The following DCSTAMP variants were observed in gnomAD, a reference collection of about 807,000 sequenced individuals.
DCSTAMP encodes dendrocyte expressed seven transmembrane protein.
Under a neutral mutation model 33.8 loss-of-function variants are expected in DCSTAMP, and 25 were observed. The observed-to-expected ratio is 0.74, with a 90% CI of 0.54 to 1.03. The LOEUF is 1.03. Among genes scored for constraint, DCSTAMP ranks in the 50% least tolerant of loss-of-function variants. The pLI is 0.00. For missense variants in DCSTAMP, 531 were observed against 556.8 expected (o/e 0.95, Z 0.47); for synonymous variants, 245 against 216.7 (o/e 1.13, Z -1.15).
chr8:104,340,583 G>A (rs1408908244), intron 1 of DCSTAMP: 1 of 152,250 alleles, frequency 6.6e-6, no homozygotes, highest in Non-Finnish European at 1.5e-5. Flanking sequence ...CCAGCTCCAA[G>A]AACCAGCTCC....
rs769338820 is a variant in DCSTAMP, at chr8:104,348,706, T to G, written c.154T>G (p.Cys52Gly). The G allele has an allele frequency of 3.1e-6, 5 of 1,614,072 alleles. No individual in the cohort carries two copies. In the South Asian group the frequency reaches 3.3e-5, roughly 11 times the overall value. ...AGTGGGCCTCCTGTCTGTGGCCGCC[T>G]GCTGGTTTCTGCCATCAATCATAGC... ...ISVGLLSVAA[C>G]WFLPSIIAAA... is the part of the protein sequence containing the mutation. The change falls in exon 2 of 4, where the codon TGC becomes GGC. Residue 52 changes from cysteine to glycine, a missense_variant. By Grantham distance (159) the Cys-to-Gly change is radical. Transcript: ENST00000297581.
chr8:104,345,133 CTT>C (rs1810271249), intron 1 of DCSTAMP, among the ~76,000 whole-genome samples: 1 of 151,974 alleles, frequency 6.6e-6, no homozygotes, highest in African/African-American at 2.4e-5. Context: ...GGCATTCAAT[CTT>C]TGCCTAAAGA....
At chr8:104,352,300 C>G (rs942998881) in intron 2 of DCSTAMP, among the ~76,000 whole-genome samples, 24 of 152,308 alleles carry the variant, frequency 1.6e-4, no homozygotes, top group Admixed American at 2.0e-4. Context: ...CTCTCTGAGT[C>G]CCCTGAAGAA....
intron 1 of DCSTAMP, among the ~76,000 whole-genome samples, chr8:104,341,531 A>C (rs982863888): frequency 6.6e-6 from 1 of 152,294 alleles, no homozygotes; most frequent in African/African-American, 2.4e-5. Flanking sequence ...AGGTGTATGT[A>C]CCTTGCAGAG....
intron 1 of DCSTAMP, among the ~76,000 whole-genome samples, chr8:104,341,735 C>G (rs905092007): frequency 7.2e-5 from 11 of 152,288 alleles, no homozygotes; most frequent in East Asian, 5.8e-4. Flanking sequence ...TTTTCCTGTT[C>G]CCTTCCACTC....
At chr8:104,351,758 G>A (rs1218001199) in intron 2 of DCSTAMP, among the ~76,000 whole-genome samples, 1 of 152,086 alleles carries the variant, frequency 6.6e-6, no homozygotes, top group African/African-American at 2.4e-5. Context: ...ATTATAATTA[G>A]CATATAATGA....
Position 104,348,837 on chromosome 8 carries a change from G to C in DCSTAMP, c.285G>C (p.Arg95Ser). 1 of 1,614,192 alleles carries C rather than the reference G, an allele frequency of 6.2e-7. No homozygotes were observed. The highest frequency in any genetic ancestry group is 8.5e-7 in the Non-Finnish European group (1 of 1,180,038). Residue 95 changes from arginine (R) to serine (S), a missense_variant, in exon 2 of 4, where the codon AGG becomes AGC. Transcript: ENST00000297581. ...TCTCTTGTGGCCTGCGTGAAGGCAG[G>C]AATGCTTTGATTGCAGCTGGCACAG... is the stretch of plus-strand genomic sequence containing the variant. ...VFLSCGLREG[R>S]NALIAAGTGI...
chr8:104,348,933 C>T lies in DCSTAMP; in HGVS notation c.381C>T (p.Cys127=). ...NFKGLLDGMT[C]NLRAKSFSIH... is the part of the protein sequence containing the mutation. ...AAGGTCTCCTAGATGGTATGACTTG[C>T]AACCTAAGGGCAAAGAGCTTTTCCA... Residue 127 remains cysteine (C), a synonymous_variant, in exon 2 of 4, where the codon TGC becomes TGT. Transcript: ENST00000297581. 6.2e-7 allele frequency: 1 copy of T among 1,614,214 alleles called. No individual in the cohort carries two copies. The highest frequency in any genetic ancestry group is 8.5e-7 in the Non-Finnish European group (1 of 1,180,042).
Position 104,349,591 on chromosome 8 carries a change from A to G in DCSTAMP, c.1029+10A>G. On this transcript the variant is annotated intron_variant, in intron 2 of 3. Coordinates refer to ENST00000297581, the MANE Select transcript of DCSTAMP (RefSeq NM_030788.4). ...GAAACTGCACGGAGAGGTAGGGCCC[A>G]CAGGTACTTCTCATGGTTTATCCCG... 4 of 1,599,832 alleles carry G rather than the reference A, an allele frequency of 2.5e-6. No homozygotes were observed. Among genetic ancestry groups the G allele is most frequent in the Non-Finnish European group, 3.4e-6 (4 of 1,174,874 alleles).
Position 104,355,175 on chromosome 8 carries a change from A to G in DCSTAMP, c.1328A>G (p.Tyr443Cys), listed in dbSNP as rs1464375114. The change falls in exon 3 of 4, where the codon TAT becomes TGT. Residue 443 changes from tyrosine to cysteine, a missense_variant. Physicochemically the swap from Tyr to Cys is radical, Grantham distance 194. Transcript: ENST00000297581. The part of the protein sequence containing the change: ...LGEVKRRLSL[Y>C]LTKIHFWLPV... ...GAAGTCAAAAGACGGCTGAGTCTCT[A>G]TCTTACAAAGGTAAGGCCAAGATGG... 10 of 1,612,636 alleles carry G rather than the reference A, an allele frequency of 6.2e-6. No individual in the cohort carries two copies. The highest frequency in any genetic ancestry group is 5.0e-5 in the Admixed American group (3 of 59,730).
chr8:104,340,669 T>A (rs540736700), intron 1 of DCSTAMP, among the ~76,000 whole-genome samples: 8 of 152,298 alleles, frequency 5.3e-5, no homozygotes, highest in African/African-American at 1.9e-4. Context: ...CCATAGGAGC[T>A]GAGGTCCAGG....
At chr8:104,350,815 A>T (rs902124655) in intron 2 of DCSTAMP, among the ~76,000 whole-genome samples, 1 of 152,230 alleles carries the variant, frequency 6.6e-6, no homozygotes, top group Non-Finnish European at 1.5e-5. Flanking sequence ...GCATCACTGC[A>T]GAGTTGAACT....
intron 1 of DCSTAMP, among the ~76,000 whole-genome samples, chr8:104,344,958 T>C (rs762775386): frequency 3.2e-4 from 49 of 152,132 alleles, no homozygotes; most frequent in Non-Finnish European, 6.6e-4. Flanking sequence ...TCTCTTTTTT[T>C]GTAGTTGTTT....
chr8:104,351,784 C>T (rs1005919347), intron 2 of DCSTAMP, among the ~76,000 whole-genome samples: 6 of 151,946 alleles, frequency 3.9e-5, no homozygotes, highest in Admixed American at 1.3e-4. Context: ...GAGGACAACT[C>T]GAGGTTTTTT....
At chr8:104,342,921 T>C (rs1452568575) in intron 1 of DCSTAMP, among the ~76,000 whole-genome samples, 1 of 152,198 alleles carries the variant, frequency 6.6e-6, no homozygotes, top group Non-Finnish European at 1.5e-5. Context: ...TGCACGATGC[T>C]GTGGAGCAAG....
intron 1 of DCSTAMP, among the ~76,000 whole-genome samples, chr8:104,346,205 A>G (rs1187266294): frequency 6.6e-6 from 1 of 152,244 alleles, no homozygotes; most frequent in Non-Finnish European, 1.5e-5. Context: ...AAGTGCTTAC[A>G]ATGTAATAGG....
intron 1 of DCSTAMP, among the ~76,000 whole-genome samples, chr8:104,344,496 G>A (rs981256544): frequency 3.3e-5 from 5 of 152,228 alleles, no homozygotes; most frequent in Non-Finnish European, 2.9e-5. Flanking sequence ...ATCCAACAGC[G>A]CTGAATTCTA....
intron 3 of DCSTAMP, 51 bp downstream of exon 3, chr8:104,355,236 G>A: frequency 1.3e-6 from 2 of 1,552,604 alleles, no homozygotes; most frequent in Non-Finnish European, 8.7e-7. Flanking sequence ...GTTGAGTTTG[G>A]AGGGAAATGG....
chr8:104,349,521 AG>A lies in DCSTAMP; in HGVS notation c.970del (p.Val324Ter). Reference protein sequence around the residue: ...DYLLYRLIFSVSKQFQSLPGF... With the variant: ...DYLLYRLIFSXSKQFQSLPGF... Reference sequence around the variant, plus strand: ...ATCTGCTGTATCGGCTCATTTTCTCAGTGAGCAAGCAGTTTCAAAGCTTGCC... The same window carrying A: ...ATCTGCTGTATCGGCTCATTTTCTCATGAGCAAGCAGTTTCAAAGCTTGCC... On this transcript the variant is annotated frameshift_variant, in exon 2 of 4. Transcript: ENST00000297581. LOFTEE classifies it high-confidence loss of function. 2.5e-6 allele frequency: 4 copies of A among 1,614,002 alleles called. No homozygotes were observed. The highest frequency in any genetic ancestry group is 2.5e-6 in the Non-Finnish European group (3 of 1,180,004).
Sources: gnomAD v4.1 joint callset for allele counts (sites outside exome capture counted in the v4.1 genomes callset) on GRCh38, gnomAD v4.1.1 for gene constraint, MANE v1.5 for transcripts, NCBI Gene and HGNC (gene_info 2026-07-23, HGNC 2026-07-21) for gene names.